The following NAA11 variants were observed in gnomAD, a reference collection of about 807,000 sequenced individuals.
NAA11 encodes N-alpha-acetyltransferase 11.
NAA11 carries 15 observed loss-of-function variants against 16.1 expected under a neutral mutation model. The observed-to-expected ratio is 0.93, with a 90% CI of 0.62 to 1.44. The LOEUF is 1.44. Ranked by LOEUF, NAA11 falls within the 40% of genes most tolerant of loss-of-function variation. NAA11 has a pLI of 0.00. For missense variants in NAA11, 298 were observed against 291.3 expected (o/e 1.02, Z -0.17); for synonymous variants, 122 against 112.4 (o/e 1.09, Z -0.54).
At chr4:79,280,309 T>C (rs1351655350) in intron 2 of NAA11, among the ~76,000 whole-genome samples, 1 of 152,014 alleles carries the variant, frequency 6.6e-6, no homozygotes, top group South Asian at 2.1e-4. Flanking sequence ...CAGGAATCAC[T>C]GTGCCCTCCC....
At chr4:79,161,304 G>T in the NAA11 span, among the ~76,000 whole-genome samples, 1 of 151,952 alleles carries the variant, frequency 6.6e-6, no homozygotes, top group Non-Finnish European at 1.5e-5. Context: ...GAAGAATCCT[G>T]GAGCCCTTGT....
the NAA11 span, among the ~76,000 whole-genome samples, chr4:79,212,247 G>A: frequency 6.6e-6 from 1 of 152,040 alleles, no homozygotes; most frequent in South Asian, 2.1e-4. Context: ...GTCAAACATA[G>A]TACTCTTTGA....
the NAA11 span, among the ~76,000 whole-genome samples, chr4:79,156,723 T>C: frequency 6.6e-6 from 1 of 152,334 alleles, no homozygotes; most frequent in Non-Finnish European, 1.5e-5. Flanking sequence ...TGACGTAAAA[T>C]TCACTATCGT....
downstream of NAA11, among the ~76,000 whole-genome samples, chr4:79,225,069 A>G (rs947315341): frequency 6.6e-6 from 1 of 151,018 alleles, no homozygotes; most frequent in African/African-American, 2.5e-5. Context: ...GACACTAGGA[A>G]AAAAAATAAG....
At chr4:79,324,805 T>C (rs937619728) in intron 1 of NAA11, among the ~76,000 whole-genome samples, 5 of 152,186 alleles carry the variant, frequency 3.3e-5, no homozygotes, top group African/African-American at 9.7e-5. Context: ...CATTATTTCA[T>C]CAAGAGTTGG....
the NAA11 span, among the ~76,000 whole-genome samples, chr4:79,209,268 G>A: frequency 6.6e-6 from 1 of 152,146 alleles, no homozygotes; most frequent in Non-Finnish European, 1.5e-5. Flanking sequence ...GGAGAATTAA[G>A]CTCAATGTGT....
chr4:79,281,026 AACACTTATCAATGCTTT>A (rs1289764216), intron 2 of NAA11, among the ~76,000 whole-genome samples: 5 of 151,992 alleles, frequency 3.3e-5, no homozygotes, highest in Non-Finnish European at 7.4e-5. Flanking sequence ...AGAAACAACT[AACACTTATCAATGCTTT>A]CCAGGCTCCA....
At chr4:79,250,085 C>T (rs1373352672) in intron 2 of NAA11, among the ~76,000 whole-genome samples, 2 of 152,252 alleles carry the variant, frequency 1.3e-5, no homozygotes, top group African/African-American at 2.4e-5. Flanking sequence ...TGTGTGACCC[C>T]GCACAGGAAA....
chr4:79,230,185 A>G (rs2109954959), intron 2 of NAA11, among the ~76,000 whole-genome samples: 1 of 152,028 alleles, frequency 6.6e-6, no homozygotes, highest in East Asian at 1.9e-4. Context: ...CAAAAAACCA[A>G]ACACCGCATA....
At chr4:79,246,437 A>G in intron 2 of NAA11, among the ~76,000 whole-genome samples, 1 of 151,950 alleles carries the variant, frequency 6.6e-6, no homozygotes, top group East Asian at 1.9e-4. Flanking sequence ...AAACTTAGAA[A>G]TACTCCAAAT....
Position 79,274,723 on chromosome 4 carries a change from A to G in NAA11, c.*122+19282T>C, listed in dbSNP as rs185601223. Reference sequence around the variant, plus strand: ...GAACAGTGCATGGCATGTAAAAAGTACCCAGCCAATCTTAGTTACTGTTAT... The same window carrying G: ...GAACAGTGCATGGCATGTAAAAAGTGCCCAGCCAATCTTAGTTACTGTTAT... On this transcript the variant is annotated intron_variant and NMD_transcript_variant, in intron 2 of 2. Coordinates refer to the NAA11 transcript ENST00000511542. 5.9e-5 allele frequency among the ~76,000 whole-genome samples: 9 copies of G among 152,128 alleles called. No homozygotes were observed. The East Asian group carries it at 1.7e-3, about 29-fold the overall frequency.
chr4:79,223,333 A>G (rs1721234786), downstream of NAA11, among the ~76,000 whole-genome samples: 1 of 149,616 alleles, frequency 6.7e-6, no homozygotes, highest in Non-Finnish European at 1.5e-5. Flanking sequence ...TGATGAGTTC[A>G]TGTCCTTTGT....
rs866246029 is a variant in NAA11, at chr4:79,234,444, C to T, written c.*123-8174G>A. 9.2e-5 allele frequency among the ~76,000 whole-genome samples: 14 copies of T among 152,242 alleles called. 1 individual carries two copies. In the South Asian group the frequency reaches 2.5e-3, roughly 27 times the overall value. On this transcript the variant is annotated intron_variant and NMD_transcript_variant, in intron 2 of 2. Transcript: ENST00000511542. The stretch of plus-strand genomic sequence containing the variant: ...AATGACTATCAGGGCATATGGTCTA[C>T]GCTTAATTGGCCAAGAAAAAGAACT...
downstream of NAA11, among the ~76,000 whole-genome samples, chr4:79,223,057 C>T (rs1441264396): frequency 6.8e-6 from 1 of 146,346 alleles, no homozygotes; most frequent in African/African-American, 2.5e-5. Flanking sequence ...GGACTGTAAA[C>T]TAGTTCAACC....
At chr4:79,187,781 G>C in the NAA11 span, among the ~76,000 whole-genome samples, 92 of 152,122 alleles carry the variant, frequency 6.0e-4, no homozygotes, top group African/African-American at 1.5e-3. Flanking sequence ...CTGATCACGA[G>C]GTCAGGAGAT....
the NAA11 span, among the ~76,000 whole-genome samples, chr4:79,190,294 A>C: frequency 6.6e-6 from 1 of 152,212 alleles, no homozygotes. Context: ...GATTTTGAAA[A>C]AGTATTTTAA....
chr4:79,248,978 T>C lies in NAA11; in HGVS notation c.*123-22708A>G, dbSNP rs1220248190. 2.0e-5 allele frequency among the ~76,000 whole-genome samples: 3 copies of C among 151,522 alleles called. No individual in the cohort carries two copies. The East Asian group carries it at 5.9e-4, about 30-fold the overall frequency. On this transcript the variant is annotated intron_variant and NMD_transcript_variant, in intron 2 of 2. Transcript: ENST00000511542. Reference sequence around the variant, plus strand: ...CATTGGAATGTTGTGATGAGCAGTCTGGGAGCACTTGAGCCCCCCCCCAGT... The same window carrying C: ...CATTGGAATGTTGTGATGAGCAGTCCGGGAGCACTTGAGCCCCCCCCCAGT...
At chr4:79,200,599 T>C in the NAA11 span, among the ~76,000 whole-genome samples, 1 of 151,924 alleles carries the variant, frequency 6.6e-6, no homozygotes, top group African/African-American at 2.4e-5. Flanking sequence ...GGAAGTTGCT[T>C]TCCCTACAGA....
chr4:79,228,516 C>G (rs193023758), intron 2 of NAA11, among the ~76,000 whole-genome samples: 1 of 152,036 alleles, frequency 6.6e-6, no homozygotes, highest in Admixed American at 6.6e-5. Flanking sequence ...CACTTTATGT[C>G]CCTAACATTT....
Sources: gnomAD v4.1 joint callset for allele counts (sites outside exome capture counted in the v4.1 genomes callset) on GRCh38, gnomAD v4.1.1 for gene constraint, MANE v1.5 for transcripts, NCBI Gene and HGNC (gene_info 2026-07-23, HGNC 2026-07-21) for gene names.